Variants in KALRN observed in about 807,000 individuals in gnomAD.
KALRN encodes kalirin RhoGEF kinase.
In KALRN, 70 loss-of-function variants were observed where a neutral mutation model predicts 353.7. The ratio of observed to expected loss-of-function variants is 0.20; its 90% CI spans 0.16 to 0.24. The LOEUF is 0.24. Among genes scored for constraint, KALRN ranks in the 10% least tolerant of loss-of-function variants. KALRN has a pLI of 1.00. For missense variants in KALRN, 2,791 were observed against 3,756.7 expected (o/e 0.74, Z 6.72); for synonymous variants, 1,391 against 1,434.8 (o/e 0.97, Z 0.69).
intron 15 of KALRN, among the ~76,000 whole-genome samples, chr3:124,425,840 G>A (rs1164419891): frequency 6.6e-6 from 1 of 152,048 alleles, no homozygotes; most frequent in Admixed American, 6.6e-5. Context: ...TGTTAAATAG[G>A]GAAGTAGACT....
intron 21 of KALRN, 159 bp from the exon 22 acceptor site, chr3:124,455,018 G>A: frequency 3.0e-6 from 2 of 665,484 alleles, no homozygotes; most frequent in Admixed American, 5.9e-5. Flanking sequence ...TCAATAACTT[G>A]CTCGAGATCT....
chr3:124,479,568 G>A (rs972301772), intron 27 of KALRN, among the ~76,000 whole-genome samples: 2 of 151,782 alleles, frequency 1.3e-5, no homozygotes, highest in Non-Finnish European at 2.9e-5. Context: ...GTTTCCCTAA[G>A]TTCTACACTT....
intron 33 of KALRN, among the ~76,000 whole-genome samples, chr3:124,505,700 C>T (rs749659027): frequency 6.6e-6 from 1 of 152,156 alleles, no homozygotes; most frequent in African/African-American, 2.4e-5. Context: ...GGAGCCAAAG[C>T]AATGTAGAGT....
intron 1 of KALRN, among the ~76,000 whole-genome samples, chr3:124,192,666 CAAAAAT>C (rs1228438260): frequency 1.3e-5 from 2 of 151,818 alleles, no homozygotes; most frequent in African/African-American, 4.8e-5. Flanking sequence ...TATGTACCCA[CAAAAAT>C]AAAAATAAAA....
intron 10 of KALRN, among the ~76,000 whole-genome samples, chr3:124,383,292 C>A (rs653269): frequency 0.67 from 101,921 of 152,022 alleles, 35,021 homozygotes; most frequent in East Asian, 1. Context: ...TCAACCCTAG[C>A]GTCTCAGTTT....
chr3:124,439,198 TCTCACA>T (rs201970531), intron 18 of KALRN, among the ~76,000 whole-genome samples, 161 bp downstream of exon 18: 42,108 of 125,372 alleles, frequency 0.34, 6,381 homozygotes, highest in South Asian at 0.43. Context: ...TCTCTCTCTC[TCTCACA>T]CACACACACA....
intron 54 of KALRN, 141 bp from the exon 55 acceptor site, chr3:124,697,452 A>T: frequency 1.3e-6 from 1 of 751,798 alleles, no homozygotes; most frequent in Non-Finnish European, 2.1e-6. Flanking sequence ...GGGCCTGGAG[A>T]AAGGTATGCC....
intron 1 of KALRN, among the ~76,000 whole-genome samples, chr3:124,113,437 G>A (rs906600447): frequency 9.9e-5 from 15 of 152,128 alleles, no homozygotes; most frequent in African/African-American, 3.4e-4. Flanking sequence ...GAAAGGGTAC[G>A]GAGATAGAAT....
At chr3:124,240,882 C>G (rs958665993) in intron 3 of KALRN, among the ~76,000 whole-genome samples, 7 of 152,120 alleles carry the variant, frequency 4.6e-5, no homozygotes, top group African/African-American at 1.7e-4. Flanking sequence ...CTAGCAGGCT[C>G]TCTCTAGCAC....
intron 3 of KALRN, among the ~76,000 whole-genome samples, chr3:124,236,958 C>T (rs1327924260): frequency 6.6e-6 from 1 of 152,190 alleles, no homozygotes; most frequent in Non-Finnish European, 1.5e-5. Flanking sequence ...TGCCTGCTGC[C>T]CTGCCTCCTG....
chr3:124,483,601 A>C (rs1234142771), intron 28 of KALRN, among the ~76,000 whole-genome samples: 2 of 152,154 alleles, frequency 1.3e-5, no homozygotes, highest in African/African-American at 4.8e-5. Context: ...CAGAGTCCTA[A>C]GGGCAGTGCC....
intron 5 of KALRN, among the ~76,000 whole-genome samples, chr3:124,271,835 A>C (rs1169288420): frequency 6.6e-6 from 1 of 152,268 alleles, no homozygotes; most frequent in Admixed American, 6.5e-5. Context: ...TGGTCTGGTG[A>C]AGCATATGGA....
At chr3:124,695,676 T>G (rs1239882074) in intron 53 of KALRN, among the ~76,000 whole-genome samples, 1 of 152,166 alleles carries the variant, frequency 6.6e-6, no homozygotes, top group Non-Finnish European at 1.5e-5. Flanking sequence ...TTCACTTAAT[T>G]ATTTTGAGGA....
At chr3:124,140,266 G>A (rs777584545) in intron 1 of KALRN, among the ~76,000 whole-genome samples, 1 of 152,124 alleles carries the variant, frequency 6.6e-6, no homozygotes, top group African/African-American at 2.4e-5. Context: ...TTGTACTTAC[G>A]GCTGGTAACA....
chr3:124,334,570 A>G lies in KALRN; in HGVS notation c.1647+75A>G. On this transcript the variant is annotated intron_variant, in intron 9 of 59. Transcript: ENST00000682506. The surrounding 1 kb of genome is among the most constrained non-coding windows in gnomAD (Gnocchi z 4.2). ...CGAGCTCAAGTCCCTGACCTAGGTGATCAGGCTTAGGAGAGCCCAGATTTA... is the reference window on the plus strand; with the variant it reads ...CGAGCTCAAGTCCCTGACCTAGGTGGTCAGGCTTAGGAGAGCCCAGATTTA... The G allele has an allele frequency of 9.5e-7, 1 of 1,055,134 alleles. No homozygotes were observed. Among genetic ancestry groups the G allele is most frequent in the Non-Finnish European group, 1.4e-6 (1 of 708,306 alleles). 65.4% of individuals were successfully genotyped at this position (1,055,134 alleles called of 1,614,324 possible). A position where few individuals can be genotyped will look rare whatever the true frequency, so the allele number is the denominator to read the frequency against.
intron 19 of KALRN, among the ~76,000 whole-genome samples, chr3:124,442,599 A>T (rs2093701801): frequency 6.6e-6 from 1 of 152,172 alleles, no homozygotes; most frequent in African/African-American, 2.4e-5. Flanking sequence ...TTTCTTATTT[A>T]AAATGAGGGG....
Position 124,144,752 on chromosome 3 carries a change from C to T in KALRN, c.74-83238C>T, listed in dbSNP as rs577584276. On this transcript the variant is annotated intron_variant, in intron 1 of 59. Transcript: ENST00000682506. ...TCTCTCTGCAGCATTACCACAGCAG[C>T]ATCCATTTACTAGACTTTCATAAAC... is the stretch of plus-strand genomic sequence containing the variant. 6.6e-5 allele frequency among the ~76,000 whole-genome samples: 10 copies of T among 152,202 alleles called. No homozygotes were observed. The East Asian group carries it at 7.7e-4, about 12-fold the overall frequency.
chr3:124,546,280 C>T (rs1451880720), intron 33 of KALRN, among the ~76,000 whole-genome samples: 1 of 120,080 alleles, frequency 8.3e-6, no homozygotes, highest in Non-Finnish European at 1.7e-5. Context: ...ATAGTGAGAC[C>T]CCCATCTCTC....
chr3:124,112,947 A>G (rs535392780), intron 1 of KALRN, among the ~76,000 whole-genome samples: 53 of 152,138 alleles, frequency 3.5e-4, no homozygotes, highest in Non-Finnish European at 6.5e-4. Context: ...GATTACCTCC[A>G]TGCCGTTTCA....
Sources: allele counts gnomAD v4.1 joint callset (sites outside exome capture counted in the v4.1 genomes callset), GRCh38; gene constraint gnomAD v4.1.1; non-coding constraint Gnocchi (gnomAD v3.1); transcripts MANE v1.5; gene names NCBI Gene and HGNC (gene_info 2026-07-23, HGNC 2026-07-21).